GPM6A: variants seen among roughly 807,000 people sequenced by gnomAD.
GPM6A encodes neuronal membrane glycoprotein M6-a.
In GPM6A, 7 loss-of-function variants were observed where a neutral mutation model predicts 32.1. That is an observed-to-expected ratio of 0.22 (90% CI 0.12 to 0.41). The LOEUF (loss-of-function observed/expected upper bound fraction) is 0.41, where lower values mean the gene tolerates loss of function less well. Among genes scored for constraint, GPM6A ranks in the 10% least tolerant of loss-of-function variants. The pLI, the probability that GPM6A is intolerant of heterozygous loss-of-function variation, is 1.00. For synonymous variants in GPM6A, 130 were observed against 123.4 expected, an observed-to-expected ratio of 1.05 and a Z score of -0.35; for missense variants, 235 against 347.2, an observed-to-expected ratio of 0.68 and a Z score of 2.57.
chr4:175,691,337 T>A (rs17061788), intron 2 of GPM6A, among the ~76,000 whole-genome samples: 7,176 of 152,294 alleles, frequency 0.047, 203 homozygotes, highest in Non-Finnish European at 0.063. Context: ...ATTAATTCAC[T>A]TACTTTACCT....
At chr4:175,915,375 C>T (rs186118766) in intron 1 of GPM6A, among the ~76,000 whole-genome samples, 2 of 151,738 alleles carry the variant, frequency 1.3e-5, no homozygotes, top group African/African-American at 4.8e-5. Flanking sequence ...CAACCTCTGC[C>T]TCCCGTGTTC....
chr4:175,867,483 C>A (rs1372980370), intron 1 of GPM6A, among the ~76,000 whole-genome samples: 1 of 151,924 alleles, frequency 6.6e-6, no homozygotes, highest in Non-Finnish European at 1.5e-5. Context: ...TACAGTTGTT[C>A]CAGCACATTT....
At chr4:175,733,451 C>A (rs541248755) in intron 1 of GPM6A, among the ~76,000 whole-genome samples, 1 of 152,040 alleles carries the variant, frequency 6.6e-6, no homozygotes, top group African/African-American at 2.4e-5. Flanking sequence ...TGCAGTGAGC[C>A]AAGATTGCGC....
intron 6 of GPM6A, among the ~76,000 whole-genome samples, chr4:175,637,692 A>T (rs1225774680): frequency 1.4e-4 from 11 of 80,892 alleles, no homozygotes; most frequent in African/African-American, 4.0e-4. Context: ...TATAATATAT[A>T]ATATATTATA....
At chr4:175,872,325 C>T (rs911614385) in intron 1 of GPM6A, among the ~76,000 whole-genome samples, 2 of 152,190 alleles carry the variant, frequency 1.3e-5, no homozygotes, top group African/African-American at 2.4e-5. Flanking sequence ...TCCAGACTTA[C>T]ACCCTTCTCC....
intron 6 of GPM6A, among the ~76,000 whole-genome samples, chr4:175,636,798 A>G (rs1417508743): frequency 6.8e-6 from 1 of 147,306 alleles, no homozygotes; most frequent in Admixed American, 6.9e-5. Flanking sequence ...CTGTCTCAAA[A>G]AAATACATAT....
chr4:175,888,220 A>G (rs1737523277), intron 1 of GPM6A, among the ~76,000 whole-genome samples: 1 of 152,050 alleles, frequency 6.6e-6, no homozygotes, highest in South Asian at 2.1e-4. Flanking sequence ...TTTATTGAAC[A>G]AGGTATTTGT....
At chr4:175,705,392 A>C (rs373243596) in intron 1 of GPM6A, among the ~76,000 whole-genome samples, 1 of 152,208 alleles carries the variant, frequency 6.6e-6, no homozygotes, top group South Asian at 2.1e-4. Flanking sequence ...ACTTCTATTC[A>C]AAGGAAGAAA....
chr4:175,690,469 G>A (rs1560877210), intron 2 of GPM6A, among the ~76,000 whole-genome samples: 1 of 152,176 alleles, frequency 6.6e-6, no homozygotes, highest in Non-Finnish European at 1.5e-5. Context: ...GAGGTCAGAA[G>A]TTTGAAATCA....
chr4:175,917,153 T>C (rs1263512978), intron 1 of GPM6A, among the ~76,000 whole-genome samples: 1 of 152,120 alleles, frequency 6.6e-6, no homozygotes, highest in Non-Finnish European at 1.5e-5. Context: ...CCTTGCTACC[T>C]TTCCTCCAGC....
At chr4:175,765,141 T>C (rs544535249) in intron 1 of GPM6A, among the ~76,000 whole-genome samples, 2 of 152,192 alleles carry the variant, frequency 1.3e-5, no homozygotes, top group South Asian at 4.1e-4. Flanking sequence ...CCACAAAGTG[T>C]TGGGATTACA....
chr4:175,949,776 T>A (rs1169664696), intron 1 of GPM6A, among the ~76,000 whole-genome samples: 1 of 152,228 alleles, frequency 6.6e-6, no homozygotes, highest in Non-Finnish European at 1.5e-5. Flanking sequence ...TACAGTCTTG[T>A]TCATTCTTCA....
At chr4:175,813,543 G>T (rs899096962), upstream of GPM6A, among the ~76,000 whole-genome samples, 5 of 151,698 alleles carry the variant, frequency 3.3e-5, no homozygotes, top group African/African-American at 9.7e-5. Flanking sequence ...CACACAGAGG[G>T]ACAGAAAGAC....
At chr4:175,679,155 G>A (rs1743543126) in intron 2 of GPM6A, among the ~76,000 whole-genome samples, 1 of 152,034 alleles carries the variant, frequency 6.6e-6, no homozygotes, top group African/African-American at 2.4e-5. Context: ...TGTGTCTCTG[G>A]TCTTCTTTAA....
At chr4:175,830,303 T>C (rs1485428716) in intron 1 of GPM6A, among the ~76,000 whole-genome samples, 1 of 152,188 alleles carries the variant, frequency 6.6e-6, no homozygotes, top group Non-Finnish European at 1.5e-5. Flanking sequence ...CTGATTGCAT[T>C]AAACTTGGGC....
At chr4:175,664,457 C>T (rs906024545) in intron 3 of GPM6A, among the ~76,000 whole-genome samples, 1 of 152,080 alleles carries the variant, frequency 6.6e-6, no homozygotes, top group Admixed American at 6.6e-5. Context: ...ATATGTGAGC[C>T]TATGTACCTT....
chr4:175,817,818 C>T (rs971629964), intron 1 of GPM6A, among the ~76,000 whole-genome samples: 2 of 152,146 alleles, frequency 1.3e-5, no homozygotes, highest in African/African-American at 4.8e-5. Flanking sequence ...CATTGTACCC[C>T]CCAAGGTATT....
At chr4:175,640,045 CTT>C in intron 6 of GPM6A, 82 bp downstream of exon 6, 6 of 1,101,168 alleles carry the variant, frequency 5.4e-6, no homozygotes, top group Non-Finnish European at 8.4e-6. Flanking sequence ...GAACTTCAAA[CTT>C]TAGAGATAGT....
At position 175,634,909 on chromosome 4, in the gene GPM6A, G is replaced by A. The variant is rs1269431935; in HGVS notation, c.833C>T (p.Thr278Ile). 1 of 1,610,922 alleles carries A rather than the reference G, an allele frequency of 6.2e-7. No individual in the cohort carries two copies. Among genetic ancestry groups the A allele is most frequent in the Non-Finnish European group, 8.5e-7 (1 of 1,177,318 alleles). ...AGAAAGAACAGGAAGATGCATTTAT[G>A]TGTATGCATTGAGCCGCTCTTTGGA... Reference protein sequence around the residue: ...TRSKERLNAYT With the variant: ...TRSKERLNAYI The change falls in exon 7 of 7, where the codon ACA (threonine) becomes ATA (isoleucine). Residue 278 changes from threonine to isoleucine, a missense_variant. By Grantham distance (89) the Thr-to-Ile change is moderately conservative (BLOSUM62 -1). Coordinates refer to ENST00000393658, the MANE Select transcript of GPM6A (RefSeq NM_201591.3).
Sources: gnomAD v4.1 joint callset for allele counts (sites outside exome capture counted in the v4.1 genomes callset) on GRCh38, gnomAD v4.1.1 for gene constraint, MANE v1.5 for transcripts, NCBI Gene and HGNC (gene_info 2026-07-23, HGNC 2026-07-21) for gene names.